VPS11: variants seen among roughly 807,000 people sequenced by gnomAD.
VPS11 encodes the protein vacuolar protein sorting-associated protein 11 homolog.
VPS11 carries 51 observed loss-of-function variants against 106.8 expected under a neutral mutation model. That is an observed-to-expected ratio of 0.48 (90% CI 0.38 to 0.60). The LOEUF is 0.60. Ranked by LOEUF, VPS11 falls within the 20% of genes least tolerant of loss-of-function variation. The pLI is 0.00. For missense variants in VPS11, 950 were observed against 1,190.0 expected, an observed-to-expected ratio of 0.80 and a Z score of 2.97; for synonymous variants, 453 against 458.7, an observed-to-expected ratio of 0.99 and a Z score of 0.16.
rs896059928 is a variant in VPS11, at chr11:119,073,489, C to T, written c.1086+90C>T. On this transcript the variant is annotated intron_variant, in intron 6 of 15. Transcript: ENST00000621676. ...CCAAGTCATATTGGCCAGGGTGTTTCCCTCCTTGTGGGTCACAGCCTTACT... is the reference window on the plus strand; with the variant it reads ...CCAAGTCATATTGGCCAGGGTGTTTTCCTCCTTGTGGGTCACAGCCTTACT... The T allele has an allele frequency of 1.3e-5, 19 of 1,470,034 alleles. No homozygotes were observed. In the African/African-American group the frequency reaches 2.6e-4, roughly 20 times the overall value. 91.1% of individuals were successfully genotyped at this position (1,470,034 alleles called of 1,614,324 possible).
At position 119,071,634 on chromosome 11, in the gene VPS11, GTT is replaced by G; in HGVS notation, c.676_677del (p.Leu226GlyfsTer14). 2 of 1,614,036 alleles carry G rather than the reference GTT, an allele frequency of 1.2e-6. No homozygotes were observed. Among genetic ancestry groups the G allele is most frequent in the Non-Finnish European group, 1.7e-6 (2 of 1,179,904 alleles). On this transcript the variant is annotated frameshift_variant, in exon 5 of 16. Transcript: ENST00000621676. LOFTEE classifies it high-confidence loss of function. ...CTGGAAAAGACTACCCTCGCGTGGA[GTT>G]GGACACCCATGGTTGTGGCCTGCGC... is the stretch of plus-strand genomic sequence containing the variant. Reference protein sequence around the residue: ...VSGKDYPRVELDTHGCGLRCS... With the variant: ...VSGKDYPRVEXDTHGCGLRCS...
chr11:119,072,027 C>T (rs1248190776), intron 5 of VPS11, 184 bp downstream of exon 5: 6 of 737,974 alleles, frequency 8.1e-6, no homozygotes, highest in Admixed American at 3.0e-5. Flanking sequence ...AGTGCAGTGG[C>T]GTGATCTCGG....
In VPS11 at chr11:119,078,052, G is replaced by A; in HGVS notation, c.1747G>A (p.Ala583Thr). ...CCTCGAAGGCCGCAGCGATAGGGAG[G>A]CCCCAGGCTGCAGGGTGAGGCTGCA... The part of the protein sequence containing the change: ...PSLEGRSDRE[A>T]PGCRANSEEF... The change falls in exon 10 of 16, where the codon GCC becomes ACC. Residue 583 changes from alanine (A) to threonine (T), a missense_variant. Ala to Thr is a moderately conservative substitution (Grantham distance 58, BLOSUM62 0). Transcript: ENST00000621676. 1.2e-6 allele frequency: 2 copies of A among 1,611,244 alleles called. No individual in the cohort carries two copies. Among genetic ancestry groups the A allele is most frequent in the Non-Finnish European group, 1.7e-6 (2 of 1,179,866 alleles).
rs2133640117 is a variant in VPS11 at position 119,067,979 on chromosome 11, C to T, written c.156C>T (p.Cys52=). 1 of 1,612,092 alleles carries T rather than the reference C, an allele frequency of 6.2e-7. No individual in the cohort carries two copies. Among genetic ancestry groups the T allele is most frequent in the Non-Finnish European group, 8.5e-7 (1 of 1,178,956 alleles). ...GCCTCCCTCCTGGCATCACTGTCTG[C>T]GACTCAGGCCGAGGGAGCCTGGTCT... ...FLCLPPGITV[C]DSGRGSLVFG... The change falls in exon 1 of 16, where the codon TGC becomes TGT. Residue 52 remains cysteine (C), a synonymous_variant. Coordinates refer to ENST00000621676, the MANE Select transcript of VPS11 (RefSeq NM_021729.6).
At chr11:119,080,367 A>AT (rs1161732767) in intron 14 of VPS11, among the ~76,000 whole-genome samples, 31 of 149,834 alleles carry the variant, frequency 2.1e-4, no homozygotes, top group African/African-American at 7.7e-4. Context: ...CAAATAGGCA[A>AT]ATTTTTTTTT....
chr11:119,073,951 G>T lies in VPS11; in HGVS notation c.1238G>T (p.Arg413Leu), dbSNP rs781879030. The change falls in exon 7 of 16, where the codon CGA becomes CTA. Residue 413 changes from arginine to leucine, a missense_variant and splice_region_variant. By Grantham distance (102) the Arg-to-Leu change is moderately radical. This residue lies in a region of VPS11 where 435 missense variants were observed against 630.2 expected (regional missense o/e 0.69). Transcript: ENST00000621676. ...NHDGAVQQYIRTIGKLEPSYV... is the reference protein window; with the variant it reads ...NHDGAVQQYILTIGKLEPSYV... ...GATGGGGCTGTCCAGCAATATATCC[G>T]GTCAGTCTGGAGGCACTTTGGGATA... 1 of 1,610,804 alleles carries T rather than the reference G, an allele frequency of 6.2e-7. No individual in the cohort carries two copies.
intron 5 of VPS11, chr11:119,072,296 T>C (rs1178942534): frequency 6.0e-6 from 1 of 165,924 alleles, no homozygotes; most frequent in Non-Finnish European, 1.3e-5. Flanking sequence ...TTGGTTACAA[T>C]GCTTTTTTTA....
rs376897352 is a variant in VPS11 at position 119,069,059 on chromosome 11, C to A, written c.188-137C>A. On this transcript the variant is annotated intron_variant, in intron 1 of 15. Coordinates refer to ENST00000621676, the MANE Select transcript of VPS11 (RefSeq NM_021729.6). ...ACAGGTGTGAGTCACCGCGCCTGGC[C>A]TCACTCTTTTTAAGATAAGGAGTAT... 1.3e-5 allele frequency: 13 copies of A among 985,372 alleles called. No homozygotes were observed. In the East Asian group the frequency reaches 4.2e-4, roughly 32 times the overall value. The allele number at this position is 985,372 out of a possible 1,614,324, so 61.0% of individuals were successfully genotyped here. A position where few individuals can be genotyped will look rare whatever the true frequency, so the allele number is the denominator to read the frequency against.
At chr11:119,069,687 G>A (rs1256329775) in intron 3 of VPS11, 110 bp downstream of exon 3, 3 of 1,474,198 alleles carry the variant, frequency 2.0e-6, no homozygotes, top group Non-Finnish European at 2.8e-6. Flanking sequence ...ACTGAACTGA[G>A]GCCTTTGCGA....
At chr11:119,079,098 T>G in intron 13 of VPS11, 31 bp from the exon 14 acceptor site, 1 of 1,611,892 alleles carries the variant, frequency 6.2e-7, no homozygotes, top group Middle Eastern at 1.7e-4. Flanking sequence ...CGTGGTTGAT[T>G]GTCTTGTTTC....
rs577271972 is a variant in VPS11 at position 119,073,417 on chromosome 11, G to C, written c.1086+18G>C. 1.2e-6 allele frequency: 2 copies of C among 1,609,734 alleles called. No homozygotes were observed. Among genetic ancestry groups the C allele is most frequent in the East Asian group, 4.5e-5 (2 of 44,840 alleles). ...AACTGGAGGCAAGGCCACCAGGCTC[G>C]CAGAGCTGGCCACAGGCACCTAGAA... On this transcript the variant is annotated intron_variant, in intron 6 of 15. Coordinates refer to ENST00000621676, the MANE Select transcript of VPS11 (RefSeq NM_021729.6).
At position 119,081,129 on chromosome 11, in the gene VPS11, A is replaced by G; in HGVS notation, c.2476A>G (p.Asn826Asp). The G allele has an allele frequency of 6.2e-7, 1 of 1,614,040 alleles. No individual in the cohort carries two copies. The highest frequency in any genetic ancestry group is 1.3e-5 in the African/African-American group (1 of 75,062). ...CCAAAAGACCAAGTGCAGCATCTGT[A>G]ACAGTGCCTTGGAGTTGCCCTCAGT... is the stretch of plus-strand genomic sequence containing the variant. The part of the protein sequence containing the change: ...IFQKTKCSIC[N>D]SALELPSVHF... The change falls in exon 15 of 16, where the codon AAC becomes GAC. Residue 826 changes from asparagine to aspartate, a missense_variant. This residue lies in a region of VPS11 where 453 missense variants were observed against 514.6 expected (regional missense o/e 0.88). Transcript: ENST00000621676.
chr11:119,076,952 C>T lies in VPS11; in HGVS notation c.1294C>T (p.Arg432Cys), dbSNP rs782478282. Residue 432 changes from arginine to cysteine, a missense_variant, in exon 8 of 16, where the codon CGC (arginine) becomes TGC (cysteine). Coordinates refer to ENST00000621676, the MANE Select transcript of VPS11 (RefSeq NM_021729.6). ...YVIRKFLDAQ[R>C]IHNLTAYLQT... ...GATCCGCAAGTTTCTGGATGCCCAG[C>T]GCATTCACAACCTGACTGCCTACCT... 5 of 1,614,000 alleles carry T rather than the reference C, an allele frequency of 3.1e-6. No individual in the cohort carries two copies. The highest frequency in any genetic ancestry group is 1.3e-5 in the African/African-American group (1 of 75,064).
intron 9 of VPS11, 37 bp from the exon 10 acceptor site, chr11:119,077,841 A>G (rs1945687791): frequency 1.9e-6 from 3 of 1,606,202 alleles, no homozygotes; most frequent in African/African-American, 1.3e-5. Flanking sequence ...TGGCTGAGGC[A>G]GGAGTATACA....
Position 119,078,935 on chromosome 11 carries a change from A to G in VPS11, c.2204A>G (p.Lys735Arg), listed in dbSNP as rs1945744757. The G allele has an allele frequency of 6.2e-7, 1 of 1,613,936 alleles. No individual in the cohort carries two copies. Among genetic ancestry groups the G allele is most frequent in the African/African-American group, 1.3e-5 (1 of 74,938 alleles). Residue 735 changes from lysine to arginine, a missense_variant, in exon 13 of 16, where the codon AAG becomes AGG. Transcript: ENST00000621676. The part of the protein sequence containing the change: ...SYFARKEEDC[K>R]EYVAAVLKHI... ...TTCGCTCGCAAGGAGGAGGACTGCA[A>G]GGAGTATGTGGCAGCTGTCCTCAAG...
chr11:119,070,129 ATGGAGAAAGCT>A, intron 3 of VPS11, 94 bp from the exon 4 acceptor site: 4 of 1,167,762 alleles, frequency 3.4e-6, no homozygotes, highest in Non-Finnish European at 3.6e-6. Flanking sequence ...GGTTGGGTAT[ATGGAGAAAGCT>A]TGTCACTTCT....
At chr11:119,074,398 C>CT (rs551498478) in intron 7 of VPS11, among the ~76,000 whole-genome samples, 144 of 150,234 alleles carry the variant, frequency 9.6e-4, no homozygotes, top group Admixed American at 3.3e-3. Flanking sequence ...TTTTTCTTTG[C>CT]TTTTTTTGTT....
rs1945280863 is a variant in VPS11, at chr11:119,069,340, C to T, written c.332C>T (p.Pro111Leu). ...SVGEDEEGINPLVKIWNLEKR... is the reference protein window; with the variant it reads ...SVGEDEEGINLLVKIWNLEKR... ...GGAGAAGATGAAGAGGGCATCAACC[C>T]CTTGGTGAGTCCCAGCAGGGAAATG... Residue 111 changes from proline to leucine, a missense_variant, in exon 2 of 16, where the codon CCC becomes CTC. Pro to Leu is a moderately conservative substitution (Grantham distance 98, BLOSUM62 -3). Coordinates refer to ENST00000621676, the MANE Select transcript of VPS11 (RefSeq NM_021729.6). The T allele has an allele frequency of 6.2e-7, 1 of 1,613,824 alleles. No individual in the cohort carries two copies. Among genetic ancestry groups the T allele is most frequent in the African/African-American group, 1.3e-5 (1 of 74,900 alleles).
intron 7 of VPS11, among the ~76,000 whole-genome samples, chr11:119,075,066 A>G (rs1945552156): frequency 1.3e-5 from 2 of 151,940 alleles, no homozygotes; most frequent in Non-Finnish European, 2.9e-5. Context: ...GGAGATCGAG[A>G]CCATCCTGGC....
Sources: gnomAD v4.1 joint callset for allele counts (sites outside exome capture counted in the v4.1 genomes callset) on GRCh38, gnomAD v4.1.1 for gene constraint, gnomAD v4.1.1 regional missense constraint, MANE v1.5 for transcripts, NCBI Gene and HGNC (gene_info 2026-07-23, HGNC 2026-07-21) for gene names.